Variants in SLC44A1 observed in about 807,000 individuals in gnomAD.
The protein encoded by SLC44A1 is solute carrier family 44 member 1, also known as choline transporter-like protein 1.
Under a neutral mutation model 79.3 loss-of-function variants are expected in SLC44A1, and 26 were observed. That is an observed-to-expected ratio of 0.33 (90% CI 0.24 to 0.46). The LOEUF is 0.46. Among genes scored for constraint, SLC44A1 ranks in the 20% least tolerant of loss-of-function variants. The pLI is 1.00. For synonymous variants in SLC44A1, 263 were observed against 286.2 expected, an observed-to-expected ratio of 0.92 and a Z score of 0.82; for missense variants, 688 against 798.1, an observed-to-expected ratio of 0.86 and a Z score of 1.66.
intron 4 of SLC44A1, among the ~76,000 whole-genome samples, chr9:105,339,945 C>T (rs1344659205): frequency 6.6e-6 from 1 of 152,166 alleles, no homozygotes; most frequent in Non-Finnish European, 1.5e-5. Flanking sequence ...AAATTGAGGA[C>T]ACTATGCTAA....
At chr9:105,364,508 A>G (rs768507199) in intron 9 of SLC44A1, 47 bp from the exon 10 acceptor site, 1 of 1,555,616 alleles carries the variant, frequency 6.4e-7, no homozygotes, top group Non-Finnish European at 8.7e-7. Flanking sequence ...GTATTTCTGG[A>G]TTTGTACTTT....
chr9:105,362,946 C>A lies in SLC44A1; in HGVS notation c.1026C>A (p.Phe342Leu). 1 of 1,613,888 alleles carries A rather than the reference C, an allele frequency of 6.2e-7. No homozygotes were observed. The highest frequency in any genetic ancestry group is 8.5e-7 in the Non-Finnish European group (1 of 1,179,932). ...TAGTCTTCCAACCCTTCTGGACTTT[C>A]TTTGCTCTTGTCTTGTTTTGGGTGT... The part of the protein sequence containing the change: ...PLLVFQPFWT[F>L]FALVLFWVYW... The change falls in exon 9 of 16, where the codon TTC (phenylalanine) becomes TTA (leucine). Residue 342 changes from phenylalanine to leucine, a missense_variant. Physicochemically the swap from Phe to Leu is conservative, Grantham distance 22. Transcript: ENST00000374720.
intron 15 of SLC44A1, among the ~76,000 whole-genome samples, chr9:105,432,197 C>A (rs1829406873): frequency 6.6e-6 from 1 of 152,194 alleles, no homozygotes; most frequent in Non-Finnish European, 1.5e-5. Flanking sequence ...GTTGGGATTA[C>A]AGGGGTGAGC....
intron 1 of SLC44A1, among the ~76,000 whole-genome samples, chr9:105,261,971 G>T (rs1284140708): frequency 1.2e-4 from 18 of 151,828 alleles, no homozygotes; most frequent in Admixed American, 1.2e-3. Flanking sequence ...TTTTAGTTGA[G>T]ACGGGGTTTC....
exon 16 of SLC44A1, chr9:105,438,443 C>A: frequency 1.6e-6 from 1 of 644,980 alleles, no homozygotes; most frequent in South Asian, 2.0e-5. Context: ...AAACCACCAA[C>A]AGCCAAGTGG....
chr9:105,423,317 A>T (rs1829278314), intron 15 of SLC44A1, among the ~76,000 whole-genome samples: 1 of 152,228 alleles, frequency 6.6e-6, no homozygotes, highest in Non-Finnish European at 1.5e-5. Flanking sequence ...TACAAAAATT[A>T]GGCGGGTATG....
At chr9:105,384,303 C>A (rs947416023) in intron 14 of SLC44A1, among the ~76,000 whole-genome samples, 2 of 152,028 alleles carry the variant, frequency 1.3e-5, no homozygotes, top group African/African-American at 4.8e-5. Flanking sequence ...CCCTCAGCCT[C>A]CCAAATAGCT....
Position 105,394,423 on chromosome 9 carries a change from GTGTGTGTGTGTGTGTGTGTT to G in SLC44A1, c.*5387_*5406del, listed in dbSNP as rs1337930419. ...CTTGGAGGTATGAGGGTGTGTATGT[GTGTGTGTGTGTGTGTGTGTT>G]TGTGTGTGTGTGTGTGTGTCCTGGC... On this transcript the variant is annotated 3_prime_UTR_variant, in exon 16 of 16. Transcript: ENST00000374720. 1.7e-4 allele frequency: 148 copies of G among 859,780 alleles called. No individual in the cohort carries two copies. The highest frequency in any genetic ancestry group is 1.9e-4 in the Non-Finnish European group (141 of 758,250). 53.3% of individuals were successfully genotyped at this position (859,780 alleles called of 1,614,324 possible).
chr9:105,376,962 T>C (rs775209120), intron 13 of SLC44A1, among the ~76,000 whole-genome samples: 1 of 152,244 alleles, frequency 6.6e-6, no homozygotes, highest in Non-Finnish European at 1.5e-5. Flanking sequence ...TTCTAAGTTA[T>C]TAATCACTGT....
chr9:105,359,620 C>T (rs1203498865), intron 7 of SLC44A1, among the ~76,000 whole-genome samples: 2 of 152,120 alleles, frequency 1.3e-5, no homozygotes, highest in Non-Finnish European at 2.9e-5. Flanking sequence ...ACAGCTTCCT[C>T]CTTGACATCA....
chr9:105,396,279 A>G lies in SLC44A1; in HGVS notation c.*7223A>G. Reference sequence around the variant, plus strand: ...TGCACTTCTAATAGAGCTTTAATCTAAAGAAGTTAGTTCAGTGGTTATTAA... The same window carrying G: ...TGCACTTCTAATAGAGCTTTAATCTGAAGAAGTTAGTTCAGTGGTTATTAA... On this transcript the variant is annotated 3_prime_UTR_variant, in exon 16 of 16. Coordinates refer to ENST00000374720, the MANE Select transcript of SLC44A1 (RefSeq NM_080546.5). The G allele has an allele frequency of 1.0e-6, 1 of 985,124 alleles. No homozygotes were observed. Among genetic ancestry groups the G allele is most frequent in the Non-Finnish European group, 1.2e-6 (1 of 829,646 alleles). 61.0% of individuals were successfully genotyped at this position (985,124 alleles called of 1,614,324 possible). A position where few individuals can be genotyped will look rare whatever the true frequency, so the allele number is the denominator to read the frequency against.
At chr9:105,422,938 G>A (rs867331762) in intron 15 of SLC44A1, among the ~76,000 whole-genome samples, 16 of 152,208 alleles carry the variant, frequency 1.1e-4, no homozygotes, top group African/African-American at 3.1e-4. Context: ...CCTTCTCCCC[G>A]ATCATCTCCT....
chr9:105,351,678 C>CAGAAAGAAAGAAAGAAAGA (rs1588819410), intron 5 of SLC44A1, among the ~76,000 whole-genome samples: 1 of 53,866 alleles, frequency 1.9e-5, no homozygotes, highest in African/African-American at 4.0e-5. Flanking sequence ...AAGAAAGAAC[C>CAGAAAGAAAGAAAGAAAGA]AAGAAAAAAA....
At position 105,275,827 on chromosome 9, in the gene SLC44A1, C is replaced by T. The variant is rs543642947; in HGVS notation, c.37-23393C>T. On this transcript the variant is annotated intron_variant, in intron 1 of 15. Transcript: ENST00000374720. ...CAATTTTTTTTTTTTTTTTTTGAGA[C>T]GGAGTGCCGCTCTGTCGCTCAGGCT... is the stretch of plus-strand genomic sequence containing the variant. Among the ~76,000 whole-genome samples, 201 of 144,964 alleles carry T rather than the reference C, an allele frequency of 1.4e-3. 1 individual carries two copies. Among genetic ancestry groups the T allele is most frequent in the African/African-American group, 4.7e-3 (181 of 38,900 alleles).
chr9:105,323,948 T>C (rs912304895), intron 3 of SLC44A1, among the ~76,000 whole-genome samples: 1 of 152,192 alleles, frequency 6.6e-6, no homozygotes, highest in Non-Finnish European at 1.5e-5. Flanking sequence ...CTGCAGCCAT[T>C]CTTCGACCTC....
At chr9:105,399,853 A>G (rs1177690400), downstream of SLC44A1, among the ~76,000 whole-genome samples, 1 of 152,210 alleles carries the variant, frequency 6.6e-6, no homozygotes, top group East Asian at 1.9e-4. Flanking sequence ...AGGCACTGGT[A>G]GTTAACTGGT....
chr9:105,418,314 C>CAAA (rs10617928), intron 15 of SLC44A1, among the ~76,000 whole-genome samples: 19 of 57,868 alleles, frequency 3.3e-4, no homozygotes, highest in Middle Eastern at 9.6e-3. Flanking sequence ...AACTCCGTCT[C>CAAA]AAAAAAAAAA....
At chr9:105,250,019 C>T (rs1190761301) in intron 1 of SLC44A1, among the ~76,000 whole-genome samples, 4 of 151,652 alleles carry the variant, frequency 2.6e-5, no homozygotes, top group African/African-American at 7.3e-5. Context: ...TAGGCACGAG[C>T]TCACGCCTGG....
chr9:105,358,296 A>T, intron 6 of SLC44A1, 48 bp from the exon 7 acceptor site: 1 of 1,063,342 alleles, frequency 9.4e-7, no homozygotes, highest in Non-Finnish European at 1.4e-6. Context: ...ATTTGTATTT[A>T]CCTGCATTTT....
Sources: gnomAD v4.1 joint callset for allele counts (sites outside exome capture counted in the v4.1 genomes callset) on GRCh38, gnomAD v4.1.1 for gene constraint, MANE v1.5 for transcripts, NCBI Gene and HGNC (gene_info 2026-07-23, HGNC 2026-07-21) for gene names.